Variants in SEMG2 observed in about 807,000 individuals in gnomAD.
SEMG2 encodes the protein semenogelin-2.
In SEMG2, 3 loss-of-function variants were observed where a neutral mutation model predicts 8.1. The observed-to-expected ratio is 0.37, with a 90% CI of 0.17 to 0.96. The LOEUF is 0.96. Among genes scored for constraint, SEMG2 ranks in the 40% least tolerant of loss-of-function variants. The pLI is 0.41. For synonymous variants in SEMG2, 252 were observed against 231.4 expected (o/e 1.09, Z -0.81); for missense variants, 726 against 671.2 (o/e 1.08, Z -0.90).
chr20:45,222,541 G>T lies in SEMG2; in HGVS notation c.909G>T (p.Lys303Asn). ...TEERQLHHGEKSVQKDVSKGS... is the reference protein window; with the variant it reads ...TEERQLHHGENSVQKDVSKGS... Reference sequence around the variant, plus strand: ...AAAGACAACTTCACCATGGAGAAAAGAGTGTACAGAAAGATGTATCCAAAG... The same window carrying T: ...AAAGACAACTTCACCATGGAGAAAATAGTGTACAGAAAGATGTATCCAAAG... The change falls in exon 2 of 3, where the codon AAG becomes AAT. Residue 303 changes from lysine to asparagine, a missense_variant. By Grantham distance (94) the Lys-to-Asn change is moderately conservative. Transcript: ENST00000372769. 1 of 1,614,132 alleles carries T rather than the reference G, an allele frequency of 6.2e-7. No individual in the cohort carries two copies. The highest frequency in any genetic ancestry group is 8.5e-7 in the Non-Finnish European group (1 of 1,180,028).
At chr20:45,223,873 A>G (rs2145592727) in intron 2 of SEMG2, among the ~76,000 whole-genome samples, 1 of 152,182 alleles carries the variant, frequency 6.6e-6, no homozygotes, top group South Asian at 2.1e-4. Flanking sequence ...GAGTTCATCT[A>G]TGCTCCTTCA....
Position 45,222,406 on chromosome 20 carries a change from T to C in SEMG2, c.774T>C (p.Asp258=). 1 of 1,614,154 alleles carries C rather than the reference T, an allele frequency of 6.2e-7. No homozygotes were observed. Among genetic ancestry groups the C allele is most frequent in the Non-Finnish European group, 8.5e-7 (1 of 1,180,006 alleles). The change falls in exon 2 of 3, where the codon GAT becomes GAC. Residue 258 remains aspartate (D), a synonymous_variant. Coordinates refer to ENST00000372769, the MANE Select transcript of SEMG2 (RefSeq NM_003008.3). The stretch of plus-strand genomic sequence containing the variant: ...CCAAAGACATTTTTACTACCCAAGA[T>C]GAGCTCCTAGTATATAACAAGAATC... ...HGPKDIFTTQ[D]ELLVYNKNQH... is the part of the protein sequence containing the mutation.
chr20:45,224,330 A>C lies in SEMG2; in HGVS notation c.*84A>C, dbSNP rs1984091581. ...CAGTGAAGTCTTTGATGTTTCTGAG[A>C]GGCAGACTCCCATGTGGTCCCAGAT... On this transcript the variant is annotated 3_prime_UTR_variant, in exon 3 of 3. Coordinates refer to ENST00000372769, the MANE Select transcript of SEMG2 (RefSeq NM_003008.3). The C allele has an allele frequency of 6.6e-6, 1 of 152,200 alleles. No individual in the cohort carries two copies. The highest frequency in any genetic ancestry group is 6.5e-5 in the Admixed American group (1 of 15,268). The allele number at this position is 152,200 out of a possible 1,614,324, so 9.4% of individuals were successfully genotyped here. A position where few individuals can be genotyped will look rare whatever the true frequency, so the allele number is the denominator to read the frequency against.
rs777875776 is a variant in SEMG2, at chr20:45,223,087, G to C, written c.1455G>C (p.Thr485=). Residue 485 remains threonine, a synonymous_variant, in exon 2 of 3, where the codon ACG becomes ACC. Transcript: ENST00000372769. ...GACTCAACTATGGAGGAAAGAGCAC[G>C]CAGAAAGATGTATCCCAAAGCAGTA... ...ERRLNYGGKS[T]QKDVSQSSIS... 3 of 1,614,068 alleles carry C rather than the reference G, an allele frequency of 1.9e-6. No individual in the cohort carries two copies. The East Asian group carries it at 6.7e-5, about 36-fold the overall frequency.
chr20:45,223,173 A>G lies in SEMG2; in HGVS notation c.1541A>G (p.Asn514Ser). 6.2e-7 allele frequency: 1 copy of G among 1,614,138 alleles called. No homozygotes were observed. The highest frequency in any genetic ancestry group is 2.2e-5 in the East Asian group (1 of 44,882). Residue 514 changes from asparagine to serine, a missense_variant, in exon 2 of 3, where the codon AAT becomes AGT. Physicochemically the swap from Asn to Ser is conservative, Grantham distance 46 (BLOSUM62 1). Coordinates refer to ENST00000372769, the MANE Select transcript of SEMG2 (RefSeq NM_003008.3). Reference protein sequence around the residue: ...GKSQIQTPNPNQDQWSGQNAK... With the variant: ...GKSQIQTPNPSQDQWSGQNAK... ...TCTCAAATCCAGACACCAAATCCTA[A>G]TCAAGATCAATGGTCTGGCCAAAAT...
rs764255139 is a variant in SEMG2, at chr20:45,223,383, C to T, written c.*2C>T. 5 of 1,591,892 alleles carry T rather than the reference C, an allele frequency of 3.1e-6. No individual in the cohort carries two copies. The South Asian group carries it at 5.6e-5, about 18-fold the overall frequency. On this transcript the variant is annotated 3_prime_UTR_variant, in exon 2 of 3. Transcript: ENST00000372769. ...GACAGAAATCCAATATCTACATAGC[C>T]CTGTTGCTTAGCAACCACTTGAAAA...
intron 1 of SEMG2, 27 bp downstream of exon 1, chr20:45,221,492 A>T (rs1383982791): frequency 6.2e-7 from 1 of 1,612,566 alleles, no homozygotes; most frequent in South Asian, 1.1e-5. Flanking sequence ...AGCCTTGGGG[A>T]AAGCTACTTT....
intron 2 of SEMG2, among the ~76,000 whole-genome samples, chr20:45,223,646 A>C (rs1984078884): frequency 6.6e-6 from 1 of 152,192 alleles, no homozygotes; most frequent in Non-Finnish European, 1.5e-5. Flanking sequence ...TTCTTAATTG[A>C]GTATTCTTCA....
At chr20:45,223,685 A>G (rs764532447) in intron 2 of SEMG2, among the ~76,000 whole-genome samples, 2 of 152,198 alleles carry the variant, frequency 1.3e-5, no homozygotes, top group African/African-American at 2.4e-5. Flanking sequence ...CCTACCTGCT[A>G]AAGATTTTTT....
rs773113380 is a variant in SEMG2, at chr20:45,222,525, T to C, written c.893T>C (p.Leu298Pro). Residue 298 changes from leucine to proline, a missense_variant, in exon 2 of 3, where the codon CTT becomes CCT. Transcript: ENST00000372769. ...TCTTCACGTACAGAAGAAAGACAAC[T>C]TCACCATGGAGAAAAGAGTGTACAG... ...YPSSRTEERQLHHGEKSVQKD... is the reference protein window; with the variant it reads ...YPSSRTEERQPHHGEKSVQKD... 6.8e-6 allele frequency: 11 copies of C among 1,613,812 alleles called. No homozygotes were observed. The Admixed American group carries it at 1.3e-4, about 20-fold the overall frequency.
Position 45,221,411 on chromosome 20 carries a change from G to T in SEMG2, c.22G>T (p.Val8Phe), listed in dbSNP as rs1442171176. ...CAAGATGAAGTCCATCATCCTCTTT[G>T]TCCTTTCCCTGCTCCTTATCTTGGA... MKSIILF[V>F]LSLLLILEKQ... The change falls in exon 1 of 3, where the codon GTC becomes TTC. Residue 8 changes from valine to phenylalanine, a missense_variant. Physicochemically the swap from Val to Phe is conservative, Grantham distance 50. Coordinates refer to ENST00000372769, the MANE Select transcript of SEMG2 (RefSeq NM_003008.3). 8.7e-6 allele frequency: 14 copies of T among 1,613,972 alleles called. No individual in the cohort carries two copies. Among genetic ancestry groups the T allele is most frequent in the Non-Finnish European group, 1.2e-5 (14 of 1,179,980 alleles).
chr20:45,223,163 C>T lies in SEMG2; in HGVS notation c.1531C>T (p.Pro511Ser), dbSNP rs1272669427. ...AGAAGGCAAGTCTCAAATCCAGACA[C>T]CAAATCCTAATCAAGATCAATGGTC... ...LVEGKSQIQT[P>S]NPNQDQWSGQ... Residue 511 changes from proline to serine, a missense_variant, in exon 2 of 3, where the codon CCA (proline) becomes TCA (serine). By Grantham distance (74) the Pro-to-Ser change is moderately conservative. Coordinates refer to ENST00000372769, the MANE Select transcript of SEMG2 (RefSeq NM_003008.3). The T allele has an allele frequency of 6.2e-7, 1 of 1,614,080 alleles. No individual in the cohort carries two copies.
In SEMG2 at chr20:45,222,520, A is replaced by G. The variant is rs373127353; in HGVS notation, c.888A>G (p.Arg296=). 4.3e-6 allele frequency: 7 copies of G among 1,613,912 alleles called. No homozygotes were observed. The African/African-American group carries it at 5.3e-5, about 12-fold the overall frequency. The change falls in exon 2 of 3, where the codon AGA becomes AGG. Residue 296 remains arginine, a synonymous_variant. Transcript: ENST00000372769. The part of the protein sequence containing the change: ...ISYPSSRTEE[R]QLHHGEKSVQ... Reference sequence around the variant, plus strand: ...ACCCGTCTTCACGTACAGAAGAAAGACAACTTCACCATGGAGAAAAGAGTG... The same window carrying G: ...ACCCGTCTTCACGTACAGAAGAAAGGCAACTTCACCATGGAGAAAAGAGTG...
chr20:45,221,530 G>A, intron 1 of SEMG2, 65 bp downstream of exon 1: 1 of 1,569,148 alleles, frequency 6.4e-7, no homozygotes, highest in South Asian at 1.1e-5. Context: ...GGATATTCAG[G>A]GTGCAAACAG....
chr20:45,222,761 CA>C lies in SEMG2; in HGVS notation c.1132del (p.Thr378LeufsTer13). On this transcript the variant is annotated frameshift_variant, in exon 2 of 3. Transcript: ENST00000372769. LOFTEE classifies it low-confidence loss of function (END_TRUNC). The stretch of plus-strand genomic sequence containing the variant: ...TGTATCCAAAGGCAGTATTTCGATC[CA>C]AACTGAAGAGCAAATACATGGCAAG... ...KGVSKGSISI[Q>X]TEEQIHGKSQ... is the part of the protein sequence containing the mutation. 1 of 1,613,916 alleles carries C rather than the reference CA, an allele frequency of 6.2e-7. No homozygotes were observed. Among genetic ancestry groups the C allele is most frequent in the South Asian group, 1.1e-5 (1 of 91,070 alleles).
chr20:45,222,440 A>G lies in SEMG2; in HGVS notation c.808A>G (p.Thr270Ala), dbSNP rs377250457. ...AGTATATAACAAGAATCAACACCAG[A>G]CAAAAAATCTCAGTCAAGATCAAGA... ...LLVYNKNQHQ[T>A]KNLSQDQEHG... The change falls in exon 2 of 3, where the codon ACA (threonine) becomes GCA (alanine). Residue 270 changes from threonine to alanine, a missense_variant. Thr to Ala is a moderately conservative substitution (Grantham distance 58). Transcript: ENST00000372769. The G allele has an allele frequency of 6.2e-6, 10 of 1,614,006 alleles. No homozygotes were observed. The African/African-American group carries it at 9.3e-5, about 15-fold the overall frequency.
chr20:45,223,518 A>T, intron 2 of SEMG2, 93 bp downstream of exon 2: 1 of 593,682 alleles, frequency 1.7e-6, no homozygotes, highest in South Asian at 2.3e-5. Flanking sequence ...CATTGTTCAC[A>T]TCAATAGAAG....
At chr20:45,223,952 G>A (rs746613622) in intron 2 of SEMG2, among the ~76,000 whole-genome samples, 3 of 151,860 alleles carry the variant, frequency 2.0e-5, no homozygotes, top group Non-Finnish European at 4.4e-5. Context: ...TAGAAAGAAG[G>A]ATTCCTGTTC....
Sources: allele counts gnomAD v4.1 joint callset (sites outside exome capture counted in the v4.1 genomes callset), GRCh38; gene constraint gnomAD v4.1.1; transcripts MANE v1.5; gene names NCBI Gene and HGNC (gene_info 2026-07-23, HGNC 2026-07-21).